Variants in TYW1B observed in about 807,000 individuals in gnomAD.
The protein encoded by TYW1B is S-adenosyl-L-methionine-dependent tRNA 4-demethylwyosine synthase TYW1B.
A neutral mutation model predicts 86.9 loss-of-function variants in TYW1B; 73 were observed. The ratio of observed to expected loss-of-function variants is 0.84; its 90% CI spans 0.70 to 1.02. TYW1B has a LOEUF of 1.02. Among genes scored for constraint, TYW1B ranks in the 50% least tolerant of loss-of-function variants. The pLI is 0.00. For missense variants in TYW1B, 637 were observed against 827.4 expected, an observed-to-expected ratio of 0.77 and a Z score of 2.82; for synonymous variants, 248 against 292.8, an observed-to-expected ratio of 0.85 and a Z score of 1.56.
intron 4 of TYW1B, among the ~76,000 whole-genome samples, chr7:72,807,601 C>A (rs1788523117): frequency 6.6e-6 from 1 of 152,058 alleles, no homozygotes; most frequent in African/African-American, 2.4e-5. Flanking sequence ...CAAACAAACC[C>A]CCTTTATCAA....
chr7:72,748,467 G>A (rs1554464280), intron 7 of TYW1B, among the ~76,000 whole-genome samples: 3 of 149,280 alleles, frequency 2.0e-5, no homozygotes, highest in African/African-American at 7.5e-5. Flanking sequence ...ACTAATTCCA[G>A]TGGCTAGAAT....
intron 10 of TYW1B, among the ~76,000 whole-genome samples, chr7:72,710,678 T>C (rs1388560598): frequency 2.6e-5 from 4 of 152,138 alleles, no homozygotes; most frequent in Non-Finnish European, 5.9e-5. Flanking sequence ...TATGGTGGCG[T>C]GCGCCTGTAG....
Position 72,785,649 on chromosome 7 carries a change from A to C in TYW1B, c.847-8116T>G, listed in dbSNP as rs531936315. 2.0e-5 allele frequency among the ~76,000 whole-genome samples: 3 copies of C among 152,242 alleles called. No individual in the cohort carries two copies. In the South Asian group the frequency reaches 6.2e-4, roughly 32 times the overall value. ...TGAGATGTATGACTCCATGAAAGTT[A>C]GTGAATATTACTCAAAAACCAGTCT... On this transcript the variant is annotated intron_variant, in intron 6 of 13. Transcript: ENST00000620995.
chr7:72,808,251 C>T (rs1161637014), intron 4 of TYW1B, among the ~76,000 whole-genome samples: 2 of 152,094 alleles, frequency 1.3e-5, no homozygotes, highest in Non-Finnish European at 2.9e-5. Flanking sequence ...CCAAGTTCAA[C>T]ACCAGCCTGG....
chr7:72,597,704 A>G (rs1489638911), intron 13 of TYW1B, among the ~76,000 whole-genome samples: 1 of 152,226 alleles, frequency 6.6e-6, no homozygotes, highest in Non-Finnish European at 1.5e-5. Flanking sequence ...AGAGAAAATC[A>G]TAAGTAACTT....
At chr7:72,642,268 ATC>A (rs1462595333) in intron 11 of TYW1B, among the ~76,000 whole-genome samples, 1 of 152,256 alleles carries the variant, frequency 6.6e-6, no homozygotes, top group Non-Finnish European at 1.5e-5. Context: ...CATAAGGTAA[ATC>A]TCTGTCACCT....
chr7:72,716,529 C>T (rs1250438204), intron 9 of TYW1B, among the ~76,000 whole-genome samples: 8 of 152,220 alleles, frequency 5.3e-5, no homozygotes, highest in Non-Finnish European at 1.0e-4. Flanking sequence ...ATTTTAGACA[C>T]ACTGTTCCGC....
At chr7:72,668,644 T>G (rs1406511623) in intron 11 of TYW1B, among the ~76,000 whole-genome samples, 2 of 152,162 alleles carry the variant, frequency 1.3e-5, no homozygotes, top group African/African-American at 2.4e-5. Flanking sequence ...AAACTCTGCC[T>G]GCTTCCACAA....
At chr7:72,598,135 A>T (rs1361995979) in intron 13 of TYW1B, among the ~76,000 whole-genome samples, 2 of 152,174 alleles carry the variant, frequency 1.3e-5, no homozygotes, top group African/African-American at 4.8e-5. Flanking sequence ...AGGCAGACCC[A>T]CCCTTAATAT....
chr7:72,642,101 A>G (rs1236525065), intron 11 of TYW1B, among the ~76,000 whole-genome samples: 4 of 152,220 alleles, frequency 2.6e-5, no homozygotes, highest in Non-Finnish European at 5.9e-5. Flanking sequence ...GATTTTGACA[A>G]GGGTACAAAG....
intron 11 of TYW1B, among the ~76,000 whole-genome samples, chr7:72,662,338 C>A (rs1181085529): frequency 6.6e-6 from 1 of 151,994 alleles, no homozygotes; most frequent in African/African-American, 2.4e-5. Context: ...TGGACCAGGT[C>A]GGGGTCTCCC....
intron 6 of TYW1B, among the ~76,000 whole-genome samples, chr7:72,794,663 C>T (rs1358495283): frequency 2.0e-5 from 3 of 152,024 alleles, no homozygotes; most frequent in Non-Finnish European, 2.9e-5. Context: ...TTTTGCTCAG[C>T]GCAAGGGACT....
intron 11 of TYW1B, among the ~76,000 whole-genome samples, chr7:72,635,944 G>A (rs1554440688): frequency 6.6e-6 from 1 of 152,190 alleles, no homozygotes; most frequent in Non-Finnish European, 1.5e-5. Flanking sequence ...GAATTCCAAT[G>A]CGCAGCACGG....
intron 6 of TYW1B, among the ~76,000 whole-genome samples, chr7:72,785,790 C>G (rs1788118589): frequency 6.6e-6 from 1 of 152,098 alleles, no homozygotes; most frequent in Admixed American, 6.6e-5. Context: ...GGAAAGCACT[C>G]AGGGAATGTG....
intron 7 of TYW1B, among the ~76,000 whole-genome samples, chr7:72,762,348 A>G (rs914663369): frequency 6.6e-6 from 1 of 152,262 alleles, no homozygotes; most frequent in Non-Finnish European, 1.5e-5. Context: ...CAGGTCACAC[A>G]TCATTGCCTT....
intron 9 of TYW1B, among the ~76,000 whole-genome samples, chr7:72,715,558 G>C (rs1390490752): frequency 6.6e-6 from 1 of 151,970 alleles, no homozygotes; most frequent in Non-Finnish European, 1.5e-5. Flanking sequence ...TGAACACATA[G>C]AGGGGAATGA....
intron 6 of TYW1B, among the ~76,000 whole-genome samples, chr7:72,783,905 A>T (rs1554472029): frequency 6.6e-6 from 1 of 152,338 alleles, no homozygotes; most frequent in Non-Finnish European, 1.5e-5. Flanking sequence ...AGCCTTAAAA[A>T]TAATTCTGAA....
At chr7:72,667,048 A>AAAAAAAAAAAAAAAAAG (rs60588106) in intron 11 of TYW1B, among the ~76,000 whole-genome samples, 3 of 131,370 alleles carry the variant, frequency 2.3e-5, no homozygotes, top group Non-Finnish European at 3.1e-5. Flanking sequence ...AAAAAAAAAA[A>AAAAAAAAAAAAAAAAAG]AAAGAAACTA....
intron 6 of TYW1B, among the ~76,000 whole-genome samples, chr7:72,798,051 A>G (rs1272863052): frequency 1.3e-5 from 2 of 151,856 alleles, no homozygotes; most frequent in Non-Finnish European, 2.9e-5. Context: ...ACACACATAT[A>G]TACATGCATA....
Sources: allele counts gnomAD v4.1 joint callset (sites outside exome capture counted in the v4.1 genomes callset), GRCh38; gene constraint gnomAD v4.1.1; transcripts MANE v1.5; gene names NCBI Gene and HGNC (gene_info 2026-07-23, HGNC 2026-07-21).